PRMT3: variants seen among roughly 807,000 people sequenced by gnomAD.
PRMT3 encodes protein arginine N-methyltransferase 3.
A neutral mutation model predicts 71.9 loss-of-function variants in PRMT3; 62 were observed. The ratio of observed to expected loss-of-function variants is 0.86; its 90% confidence interval spans 0.70 to 1.07. The LOEUF is 1.07. PRMT3 is among the 50% of genes least tolerant of loss of function. The pLI is 0.00. For synonymous variants in PRMT3, 213 were observed against 220.4 expected, an observed-to-expected ratio of 0.97 and a Z score of 0.30; for missense variants, 663 against 643.0, an observed-to-expected ratio of 1.03 and a Z score of -0.34.
intron 10 of PRMT3, among the ~76,000 whole-genome samples, chr11:20,442,852 G>A (rs1433982766): frequency 6.6e-6 from 1 of 152,042 alleles, no homozygotes; most frequent in East Asian, 1.9e-4. Context: ...GAATATTCTT[G>A]TATATGTGTA....
In PRMT3 at chr11:20,389,829, GAGT is replaced by G; in HGVS notation, c.247+7_247+9del. The G allele has an allele frequency of 6.2e-7, 1 of 1,602,226 alleles. No individual in the cohort carries two copies. Among genetic ancestry groups the G allele is most frequent in the South Asian group, 1.1e-5 (1 of 90,666 alleles). On this transcript the variant is annotated splice_donor_5th_base_variant and intron_variant, in intron 3 of 15. Coordinates refer to ENST00000331079, the MANE Select transcript of PRMT3 (RefSeq NM_005788.4). Reference sequence around the variant, plus strand: ...TGACAGCATGGTTCATAAACATGGTGAGTAGTTTTTAGAATAAAGGCAATTTAA... The same window carrying G: ...TGACAGCATGGTTCATAAACATGGTGAGTTTTTAGAATAAAGGCAATTTAA...
intron 3 of PRMT3, among the ~76,000 whole-genome samples, chr11:20,391,267 C>T (rs111916755): frequency 1.1e-3 from 167 of 151,332 alleles, no homozygotes; most frequent in Non-Finnish European, 2.1e-3. Context: ...TTTTTTGAGA[C>T]GGAGTCTCGC....
At chr11:20,391,214 A>G (rs12802921) in intron 3 of PRMT3, among the ~76,000 whole-genome samples, 1 of 152,246 alleles carries the variant, frequency 6.6e-6, no homozygotes, top group East Asian at 1.9e-4. Flanking sequence ...TTCGTAAGGC[A>G]TAAATGACAG....
intron 11 of PRMT3, among the ~76,000 whole-genome samples, chr11:20,457,057 G>T (rs112823350): frequency 1.3e-5 from 2 of 152,146 alleles, no homozygotes; most frequent in African/African-American, 4.8e-5. Flanking sequence ...TGTATTTTTA[G>T]TAGAAGTGGG....
intron 7 of PRMT3, among the ~76,000 whole-genome samples, chr11:20,399,616 A>G (rs767952281): frequency 2.6e-5 from 4 of 152,094 alleles, no homozygotes; most frequent in Non-Finnish European, 5.9e-5. Context: ...AATACCATAA[A>G]CCTTTCATTC....
rs527983368 is a variant in PRMT3, at chr11:20,476,527, G to C, written c.1347+11981G>C. Among the ~76,000 whole-genome samples, 9 of 152,158 alleles carry C rather than the reference G, an allele frequency of 5.9e-5. No individual in the cohort carries two copies. The South Asian group carries it at 1.9e-3, about 32-fold the overall frequency. Reference sequence around the variant, plus strand: ...GAAAAATGGAGTTAATAAATTTTACGGCCAACATTCCATGAGGAAGTGAAA... The same window carrying C: ...GAAAAATGGAGTTAATAAATTTTACCGCCAACATTCCATGAGGAAGTGAAA... On this transcript the variant is annotated intron_variant, in intron 13 of 15. Coordinates refer to ENST00000331079, the MANE Select transcript of PRMT3 (RefSeq NM_005788.4).
intron 8 of PRMT3, chr11:20,407,618 T>G: frequency 4.9e-6 from 1 of 202,124 alleles, no homozygotes; most frequent in Non-Finnish European, 1.0e-5. Context: ...TTCAACAACT[T>G]TATTTCTTCA....
At chr11:20,388,895 GT>G (rs1264376263) in intron 2 of PRMT3, among the ~76,000 whole-genome samples, 3 of 152,230 alleles carry the variant, frequency 2.0e-5, no homozygotes, top group African/African-American at 7.2e-5. Flanking sequence ...ATTGGCCGGT[GT>G]TACTTTAATA....
chr11:20,475,471 G>A (rs947862043), intron 13 of PRMT3, among the ~76,000 whole-genome samples: 2 of 151,936 alleles, frequency 1.3e-5, no homozygotes, highest in Admixed American at 6.6e-5. Context: ...CTTCTAATTG[G>A]CCATCTTGGC....
chr11:20,492,979 C>A (rs555057128), intron 13 of PRMT3, among the ~76,000 whole-genome samples: 1 of 152,180 alleles, frequency 6.6e-6, no homozygotes, highest in South Asian at 2.1e-4. Flanking sequence ...GGTGAAACCC[C>A]GTCTCTACTA....
At chr11:20,388,209 CTG>C in intron 2 of PRMT3, 55 bp downstream of exon 2, 2 of 1,607,184 alleles carry the variant, frequency 1.2e-6, no homozygotes, top group South Asian at 2.2e-5. Context: ...CGCGTGGGGT[CTG>C]TGTGCCCAGG....
chr11:20,427,682 C>T (rs908132725), intron 10 of PRMT3, among the ~76,000 whole-genome samples: 35 of 152,006 alleles, frequency 2.3e-4, no homozygotes, highest in Admixed American at 1.1e-3. Flanking sequence ...GCCAGGATCA[C>T]GCCACTGCAC....
chr11:20,393,503 T>C (rs1345545376), intron 5 of PRMT3, among the ~76,000 whole-genome samples: 1 of 152,220 alleles, frequency 6.6e-6, no homozygotes, highest in Admixed American at 6.5e-5. Context: ...ACATTTATAA[T>C]TGTTATATTT....
At chr11:20,445,492 A>G (rs1407977727) in intron 10 of PRMT3, among the ~76,000 whole-genome samples, 1 of 152,092 alleles carries the variant, frequency 6.6e-6, no homozygotes, top group Non-Finnish European at 1.5e-5. Flanking sequence ...ACGTTATTGT[A>G]TATTATATAT....
intron 13 of PRMT3, among the ~76,000 whole-genome samples, chr11:20,486,914 G>C (rs747142736): frequency 6.6e-6 from 1 of 151,854 alleles, no homozygotes; most frequent in South Asian, 2.1e-4. Flanking sequence ...AAGATTAGCC[G>C]GGCATCATGG....
chr11:20,430,745 C>G (rs10766674), intron 10 of PRMT3, among the ~76,000 whole-genome samples: 123,049 of 152,050 alleles, frequency 0.81, 52,043 homozygotes, highest in Non-Finnish European at 0.95. Flanking sequence ...AATCTATTCT[C>G]TTAGGAAATT....
At chr11:20,459,845 A>G (rs528191385) in intron 11 of PRMT3, among the ~76,000 whole-genome samples, 4 of 152,354 alleles carry the variant, frequency 2.6e-5, no homozygotes, top group African/African-American at 7.2e-5. Flanking sequence ...AACATTTTCA[A>G]TAACAAATCA....
intron 13 of PRMT3, among the ~76,000 whole-genome samples, chr11:20,483,708 A>G (rs994737512): frequency 5.9e-5 from 9 of 152,236 alleles, no homozygotes; most frequent in African/African-American, 2.2e-4. Context: ...AGGAGAGGCC[A>G]ACATAAATGG....
At chr11:20,432,642 T>A (rs1032270322) in intron 10 of PRMT3, among the ~76,000 whole-genome samples, 1 of 152,184 alleles carries the variant, frequency 6.6e-6, no homozygotes, top group Non-Finnish European at 1.5e-5. Flanking sequence ...CTCTATACTC[T>A]TTTTCATAAT....
Sources: gnomAD v4.1 joint callset for allele counts (sites outside exome capture counted in the v4.1 genomes callset) on GRCh38, gnomAD v4.1.1 for gene constraint, MANE v1.5 for transcripts, NCBI Gene and HGNC (gene_info 2026-07-23, HGNC 2026-07-21) for gene names.